Variants in CHL1 observed in about 807,000 individuals in gnomAD.
CHL1 encodes the protein cell adhesion molecule L1 like, also known as neural cell adhesion molecule L1-like protein.
A neutral mutation model predicts 141.9 loss-of-function variants in CHL1; 96 were observed. The observed-to-expected ratio is 0.68, with a 90% CI of 0.57 to 0.80. The LOEUF (loss-of-function observed/expected upper bound fraction) is 0.80, where lower values mean the gene tolerates loss of function less well. CHL1 is among the 30% of genes least tolerant of loss of function. The pLI, the probability that CHL1 is intolerant of heterozygous loss-of-function variation, is 0.00. For missense variants in CHL1, 1,820 were observed against 1,457.2 expected, an observed-to-expected ratio of 1.25 and a Z score of -4.05; for synonymous variants, 613 against 502.2, an observed-to-expected ratio of 1.22 and a Z score of -2.95.
At chr3:303,155 T>C (rs1309724314) in intron 2 of CHL1, among the ~76,000 whole-genome samples, 1 of 152,032 alleles carries the variant, frequency 6.6e-6, no homozygotes, top group African/African-American at 2.4e-5. Flanking sequence ...ACTTGTAGTG[T>C]AGTTTGAAGT....
chr3:230,479 A>C (rs891216538), intron 1 of CHL1, among the ~76,000 whole-genome samples: 2 of 151,842 alleles, frequency 1.3e-5, no homozygotes, highest in African/African-American at 4.8e-5. Flanking sequence ...TTTTTTAAAC[A>C]TCTACCTTCA....
chr3:268,161 T>G (rs1230721123), intron 2 of CHL1, among the ~76,000 whole-genome samples: 2 of 152,224 alleles, frequency 1.3e-5, no homozygotes, highest in Non-Finnish European at 2.9e-5. Context: ...GTAGTATATT[T>G]ACATCAAACT....
At chr3:228,814 T>G (rs1378099066) in intron 1 of CHL1, among the ~76,000 whole-genome samples, 1 of 152,186 alleles carries the variant, frequency 6.6e-6, no homozygotes, top group Non-Finnish European at 1.5e-5. Context: ...AAACTCAAAA[T>G]AGAATGTCTT....
intron 11 of CHL1, among the ~76,000 whole-genome samples, chr3:356,420 G>A (rs965201263): frequency 1.3e-5 from 2 of 152,094 alleles, no homozygotes; most frequent in Non-Finnish European, 2.9e-5. Context: ...TATTTATGGG[G>A]TACTTTCTAT....
rs372134727 is a variant in CHL1 at position 405,731 on chromosome 3, C to T, written c.*20C>T. Reference sequence around the variant, plus strand: ...GCATAAACACAACATATGTAAGCAACGCTACTGGTTCACCCCAACCTTCCA... The same window carrying T: ...GCATAAACACAACATATGTAAGCAATGCTACTGGTTCACCCCAACCTTCCA... On this transcript the variant is annotated 3_prime_UTR_variant, in exon 28 of 28. Coordinates refer to ENST00000256509, the MANE Select transcript of CHL1 (RefSeq NM_006614.4). 86 of 1,564,852 alleles carry T rather than the reference C, an allele frequency of 5.5e-5. No individual in the cohort carries two copies. The highest frequency in any genetic ancestry group is 6.7e-5 in the East Asian group (3 of 44,604).
At chr3:206,818 C>G (rs1224750159) in intron 1 of CHL1, among the ~76,000 whole-genome samples, 1 of 152,156 alleles carries the variant, frequency 6.6e-6, no homozygotes, top group African/African-American at 2.4e-5. Flanking sequence ...TATTTCTTGG[C>G]AGAAATGTTT....
intron 1 of CHL1, among the ~76,000 whole-genome samples, chr3:230,447 A>T (rs1193965997): frequency 6.6e-6 from 1 of 152,080 alleles, no homozygotes; most frequent in Non-Finnish European, 1.5e-5. Flanking sequence ...TGAAAGACTG[A>T]CTTTGTTTTG....
chr3:212,541 A>T (rs1699985821), intron 1 of CHL1, among the ~76,000 whole-genome samples: 1 of 151,934 alleles, frequency 6.6e-6, no homozygotes, highest in South Asian at 2.1e-4. Flanking sequence ...CTTCTCCACT[A>T]AGATCTACAT....
chr3:387,119 C>T (rs1707800380), intron 19 of CHL1, among the ~76,000 whole-genome samples: 1 of 152,166 alleles, frequency 6.6e-6, no homozygotes. Context: ...TATAACCTTG[C>T]TTGGGTCATA....
intron 19 of CHL1, among the ~76,000 whole-genome samples, 161 bp downstream of exon 19, chr3:384,047 T>C (rs1164976055): frequency 1.3e-5 from 2 of 152,194 alleles, no homozygotes; most frequent in Non-Finnish European, 2.9e-5. Flanking sequence ...TAAAGATCAT[T>C]GTGATTAAAA....
chr3:322,906 A>G (rs1700712555), intron 3 of CHL1, among the ~76,000 whole-genome samples: 1 of 151,506 alleles, frequency 6.6e-6, no homozygotes, highest in African/African-American at 2.4e-5. Flanking sequence ...AGCAAAACAA[A>G]AACAGTTTTG....
At chr3:365,852 C>T (rs1046798531) in intron 14 of CHL1, 98 bp from the exon 15 acceptor site, 2 of 812,644 alleles carry the variant, frequency 2.5e-6, no homozygotes, top group Admixed American at 5.1e-5. Context: ...GAGGATTGGA[C>T]AGTTATGGTG....
intron 26 of CHL1, among the ~76,000 whole-genome samples, chr3:400,047 T>C (rs182900218): frequency 6.6e-6 from 1 of 152,354 alleles, no homozygotes; most frequent in East Asian, 1.9e-4. Context: ...CTTTTTCAGA[T>C]ATACATATTG....
intron 23 of CHL1, 139 bp from the exon 24 acceptor site, chr3:394,554 A>G (rs918780199): frequency 2.8e-5 from 18 of 646,028 alleles, no homozygotes; most frequent in Non-Finnish European, 4.5e-5. Context: ...TATGTACCTC[A>G]TAGGATTAAA....
chr3:366,890 C>G (rs1704969965), intron 15 of CHL1, among the ~76,000 whole-genome samples: 2 of 152,210 alleles, frequency 1.3e-5, no homozygotes, highest in African/African-American at 2.4e-5. Flanking sequence ...TCTGCTCCCA[C>G]TGGCCCAGAG....
chr3:377,606 T>C (rs1009015012), intron 15 of CHL1, among the ~76,000 whole-genome samples: 1 of 152,254 alleles, frequency 6.6e-6, no homozygotes, highest in Non-Finnish European at 1.5e-5. Flanking sequence ...TAATGTGATT[T>C]TGTTTATGGC....
chr3:197,776 G>C (rs749004658), intron 1 of CHL1: 129 of 456,170 alleles, frequency 2.8e-4, no homozygotes, highest in Middle Eastern at 3.2e-4. Flanking sequence ...GCCGGGGGCC[G>C]TGGTTGCCAT....
chr3:276,916 A>G (rs891780832), intron 2 of CHL1, among the ~76,000 whole-genome samples: 1 of 139,164 alleles, frequency 7.2e-6, no homozygotes, highest in Non-Finnish European at 1.6e-5. Context: ...AAAAAAAAAA[A>G]GAGTATGGGC....
chr3:348,705 G>A (rs1000868818), intron 9 of CHL1, among the ~76,000 whole-genome samples: 3 of 152,152 alleles, frequency 2.0e-5, no homozygotes, highest in African/African-American at 7.2e-5. Flanking sequence ...TTTTGAAAGC[G>A]CTAAGCAAGG....
Sources: allele counts gnomAD v4.1 joint callset (sites outside exome capture counted in the v4.1 genomes callset), GRCh38; gene constraint gnomAD v4.1.1; transcripts MANE v1.5; gene names NCBI Gene and HGNC (gene_info 2026-07-23, HGNC 2026-07-21).